The following BFSP1 variants were observed in gnomAD, a reference collection of about 807,000 sequenced individuals.
BFSP1 encodes filensin.
A neutral mutation model predicts 43.9 loss-of-function variants in BFSP1; 38 were observed. The ratio of observed to expected loss-of-function variants is 0.87; its 90% confidence interval spans 0.67 to 1.14. BFSP1 has a LOEUF of 1.14. Among genes scored for constraint, BFSP1 ranks in the 50% most tolerant of loss-of-function variants. The pLI, the probability that BFSP1 is intolerant of heterozygous loss-of-function variation, is 0.00. For synonymous variants in BFSP1, 352 were observed against 354.8 expected (o/e 0.99, Z 0.09); for missense variants, 850 against 875.1 (o/e 0.97, Z 0.36).
At position 17,494,419 on chromosome 20, in the gene BFSP1, T is replaced by C. The variant is rs1182948730; in HGVS notation, c.1653A>G (p.Ala551=). The C allele has an allele frequency of 2.5e-5, 40 of 1,614,258 alleles. No individual in the cohort carries two copies. The highest frequency in any genetic ancestry group is 3.2e-5 in the Non-Finnish European group (38 of 1,180,042). Residue 551 remains alanine, a synonymous_variant, in exon 8 of 8, where the codon GCA becomes GCG. Transcript: ENST00000377873. The part of the protein sequence containing the change: ...PIDKEIEPDG[A]ELEGPEEKRE... ...GTTTCTCTTCAGGGCCTTCCAGCTC[T>C]GCACCATCTGGCTCAATCTCCTTGT... is the stretch of plus-strand genomic sequence containing the variant.
Position 17,496,990 on chromosome 20 carries a change from G to C in BFSP1, c.990C>G (p.Pro330=). The C allele has an allele frequency of 6.5e-7, 1 of 1,543,326 alleles. No homozygotes were observed. Among genetic ancestry groups the C allele is most frequent in the Non-Finnish European group, 8.7e-7 (1 of 1,144,820 alleles). Residue 330 remains proline (P), a synonymous_variant, in exon 7 of 8, where the codon CCC becomes CCG. Coordinates refer to ENST00000377873, the MANE Select transcript of BFSP1 (RefSeq NM_001195.5). ...LTSAFIETPI[P]LFTQSHGVSL... Reference sequence around the variant, plus strand: ...AGACTCCATGGCTCTGGGTGAACAGGGGAATGGGAGTTTCAATGAAGGCAG... The same window carrying C: ...AGACTCCATGGCTCTGGGTGAACAGCGGAATGGGAGTTTCAATGAAGGCAG...
intron 2 of BFSP1, chr20:17,517,010 G>C: frequency 2.6e-6 from 2 of 778,950 alleles, no homozygotes; most frequent in Non-Finnish European, 4.6e-6. Context: ...GATGTGCTTT[G>C]TCTGACTACA....
At chr20:17,532,516 A>G (rs2034564918), upstream of BFSP1, among the ~76,000 whole-genome samples, 1 of 151,930 alleles carries the variant, frequency 6.6e-6, no homozygotes, top group Non-Finnish European at 1.5e-5. Flanking sequence ...GGGTCTTGCT[A>G]TGTTGCCCAG....
At position 17,507,207 on chromosome 20, in the gene BFSP1, C is replaced by T. The variant is rs2123477191; in HGVS notation, c.735+1682G>A. On this transcript the variant is annotated intron_variant, in intron 5 of 7. Transcript: ENST00000377873. This position sits in a 1 kb window ranked among gnomAD's most constrained non-coding sequence, Gnocchi z 4.4. The stretch of plus-strand genomic sequence containing the variant: ...GTATCTCTAGGGCAGTGGTTTTCAA[C>T]TTTATCACCACCGCCCCAGGAAAAA... 2 of 152,078 alleles carry T rather than the reference C, an allele frequency of 1.3e-5. No homozygotes were observed. Among genetic ancestry groups the T allele is most frequent in the Middle Eastern group, 6.8e-3 (2 of 294 alleles). The allele number at this position is 152,078 out of a possible 1,614,324, so 9.4% of individuals were successfully genotyped here.
At chr20:17,549,791 G>A (rs776001000) in intron 1 of BFSP1, among the ~76,000 whole-genome samples, 16 of 152,092 alleles carry the variant, frequency 1.1e-4, no homozygotes, top group East Asian at 1.9e-4. Flanking sequence ...AGCCAAGATC[G>A]TGCCACTACA....
At chr20:17,541,341 G>C (rs1036804045) in intron 1 of BFSP1, 39 of 825,074 alleles carry the variant, frequency 4.7e-5, no homozygotes, top group Non-Finnish European at 5.7e-5. Context: ...CATTACAAGG[G>C]ATCTTACCAG....
intron 1 of BFSP1, among the ~76,000 whole-genome samples, chr20:17,552,777 T>C (rs1484686664): frequency 6.6e-6 from 1 of 152,104 alleles, no homozygotes. Context: ...ATTTACAAGA[T>C]GGGGAAGACT....
chr20:17,525,022 G>C lies in BFSP1; in HGVS notation c.378-114C>G. On this transcript the variant is annotated intron_variant, in intron 1 of 7. Transcript: ENST00000377873. This position sits in a 1 kb window ranked among gnomAD's most constrained non-coding sequence, Gnocchi z 4.2. ...TACGATGCCCTCTCCTTTAAGGAGA[G>C]GGTCTTAATTTTAAAGTAGTAGCTA... 1 of 910,490 alleles carries C rather than the reference G, an allele frequency of 1.1e-6. No individual in the cohort carries two copies. The highest frequency in any genetic ancestry group is 1.4e-5 in the South Asian group (1 of 73,346). The allele number at this position is 910,490 out of a possible 1,614,324, so 56.4% of individuals were successfully genotyped here.
chr20:17,554,456 T>C (rs1047501384), intron 1 of BFSP1, among the ~76,000 whole-genome samples: 2 of 152,204 alleles, frequency 1.3e-5, no homozygotes, highest in Non-Finnish European at 2.9e-5. Flanking sequence ...GAATGTATCA[T>C]AGAAGGCCAC....
chr20:17,526,030 A>G (rs1342878589), intron 1 of BFSP1, among the ~76,000 whole-genome samples: 1 of 151,240 alleles, frequency 6.6e-6, no homozygotes, highest in Non-Finnish European at 1.5e-5. Flanking sequence ...AATACTGTAC[A>G]GTATCATACT....
In BFSP1 at chr20:17,495,717, AC is replaced by A. The variant is rs1339835660; in HGVS notation, c.1043-689del. 5.3e-5 allele frequency among the ~76,000 whole-genome samples: 8 copies of A among 152,270 alleles called. No individual in the cohort carries two copies. The East Asian group carries it at 7.7e-4, about 15-fold the overall frequency. ...GCTTCCAGACTAGCTGAAAGGAAAA[AC>A]TAAAAGTTGAAGAAAACACATAAAA... On this transcript the variant is annotated intron_variant, in intron 7 of 7. Coordinates refer to ENST00000377873, the MANE Select transcript of BFSP1 (RefSeq NM_001195.5).
intron 2 of BFSP1, among the ~76,000 whole-genome samples, chr20:17,522,925 G>A (rs1017948010): frequency 1.3e-5 from 2 of 152,154 alleles, no homozygotes; most frequent in African/African-American, 2.4e-5. Context: ...TACACTCCTC[G>A]CTGGGGCTCT....
At chr20:17,539,067 G>T (rs2034673900) in intron 1 of BFSP1, among the ~76,000 whole-genome samples, 1 of 148,518 alleles carries the variant, frequency 6.7e-6, no homozygotes, top group Non-Finnish European at 1.5e-5. Context: ...TAGATCCCAA[G>T]GAATTGGGCA....
At chr20:17,547,619 G>T (rs989139006) in intron 1 of BFSP1, among the ~76,000 whole-genome samples, 2 of 152,118 alleles carry the variant, frequency 1.3e-5, no homozygotes, top group African/African-American at 4.8e-5. Context: ...TTTGTAAAAA[G>T]AAATTGGATG....
rs141114639 is a variant in BFSP1, at chr20:17,541,209, A to T, written c.3-16301T>A. 2.1e-3 allele frequency: 2,001 copies of T among 959,410 alleles called. 36 individuals carry two copies. In the African/African-American group the frequency reaches 0.032, roughly 15 times the overall value. The allele number at this position is 959,410 out of a possible 1,614,324, so 59.4% of individuals were successfully genotyped here. ...TAGTGAGACCCTGTCTCTAAAAAAA[A>T]AATAATAATTAGTGAATATTAGATA... On this transcript the variant is annotated intron_variant, in intron 1 of 7. Coordinates refer to the BFSP1 transcript ENST00000377868.
At chr20:17,547,413 G>A (rs2034821963) in intron 1 of BFSP1, among the ~76,000 whole-genome samples, 1 of 152,068 alleles carries the variant, frequency 6.6e-6, no homozygotes, top group Non-Finnish European at 1.5e-5. Context: ...TTAAAGACCT[G>A]TAAAAACTGG....
intron 1 of BFSP1, among the ~76,000 whole-genome samples, chr20:17,566,045 G>C (rs1330685095): frequency 6.8e-6 from 1 of 147,104 alleles, no homozygotes; most frequent in African/African-American, 2.5e-5. Context: ...TTGAACTCAG[G>C]AGGCGGAGGT....
intron 2 of BFSP1, among the ~76,000 whole-genome samples, chr20:17,523,121 T>C (rs773291674): frequency 8.5e-5 from 13 of 152,280 alleles, no homozygotes; most frequent in Non-Finnish European, 1.6e-4. Context: ...TATTATGCGA[T>C]GCCTTTTCCT....
intron 1 of BFSP1, among the ~76,000 whole-genome samples, chr20:17,529,835 G>A (rs553611879): frequency 1.4e-4 from 22 of 151,802 alleles, no homozygotes; most frequent in African/African-American, 5.3e-4. Flanking sequence ...CTGCAGTATT[G>A]GTGGAGGCAT....
Sources: allele counts gnomAD v4.1 joint callset (sites outside exome capture counted in the v4.1 genomes callset), GRCh38; gene constraint gnomAD v4.1.1; non-coding constraint Gnocchi (gnomAD v3.1); transcripts MANE v1.5; gene names NCBI Gene and HGNC (gene_info 2026-07-23, HGNC 2026-07-21).